The following HEMK2 variants were observed in gnomAD, a reference collection of about 807,000 sequenced individuals.
The protein encoded by HEMK2 is methyltransferase HEMK2.
the HEMK2 span, among the ~76,000 whole-genome samples, chr21:28,869,872 G>A: frequency 6.6e-6 from 1 of 152,172 alleles, no homozygotes; most frequent in African/African-American, 2.4e-5. Flanking sequence ...TCGTGGCCCA[G>A]TTCACATGAA....
the HEMK2 span, among the ~76,000 whole-genome samples, chr21:28,610,747 A>G: frequency 2.6e-5 from 4 of 152,350 alleles, no homozygotes; most frequent in East Asian, 5.8e-4. Flanking sequence ...AGAAGTAGCT[A>G]TTCTTGTATC....
the HEMK2 span, among the ~76,000 whole-genome samples, chr21:28,727,901 C>T: frequency 5.9e-5 from 9 of 152,192 alleles, no homozygotes; most frequent in Admixed American, 4.6e-4. Context: ...TTTAAAAATG[C>T]TTCTGTTTTT....
chr21:28,678,692 T>C, the HEMK2 span, among the ~76,000 whole-genome samples: 1 of 152,226 alleles, frequency 6.6e-6, no homozygotes, highest in East Asian at 1.9e-4. Context: ...TAACAGCAGA[T>C]CTCTCAGCAG....
the HEMK2 span, among the ~76,000 whole-genome samples, chr21:28,681,782 C>T: frequency 6.6e-6 from 1 of 151,768 alleles, no homozygotes; most frequent in Admixed American, 6.6e-5. Flanking sequence ...ACAAACCTGA[C>T]AAAAACAAGC....
At chr21:28,769,888 T>C in the HEMK2 span, among the ~76,000 whole-genome samples, 6 of 152,192 alleles carry the variant, frequency 3.9e-5, no homozygotes, top group Non-Finnish European at 8.8e-5. Context: ...TAGTTTGTAC[T>C]GACTCAATTG....
At chr21:28,846,668 T>C in the HEMK2 span, among the ~76,000 whole-genome samples, 305 of 152,254 alleles carry the variant, frequency 2.0e-3, 4 homozygotes, top group African/African-American at 7.1e-3. Context: ...CAGGGGTACA[T>C]GTGCAGATTT....
At chr21:28,805,003 T>C in the HEMK2 span, among the ~76,000 whole-genome samples, 3 of 152,322 alleles carry the variant, frequency 2.0e-5, no homozygotes, top group East Asian at 3.9e-4. Flanking sequence ...TCTGATTCAG[T>C]TGGGCTAGAT....
At chr21:28,864,594 T>C in the HEMK2 span, among the ~76,000 whole-genome samples, 1 of 152,128 alleles carries the variant, frequency 6.6e-6, no homozygotes, top group Non-Finnish European at 1.5e-5. Context: ...CCCGGACCCA[T>C]ATGCATAAAC....
the HEMK2 span, among the ~76,000 whole-genome samples, chr21:28,804,535 G>C: frequency 6.6e-6 from 1 of 152,080 alleles, no homozygotes; most frequent in African/African-American, 2.4e-5. Context: ...AGGAGTTCAA[G>C]ACCAGCCTGG....
At chr21:28,816,115 A>G in the HEMK2 span, among the ~76,000 whole-genome samples, 1 of 152,194 alleles carries the variant, frequency 6.6e-6, no homozygotes, top group Non-Finnish European at 1.5e-5. Flanking sequence ...GCCTCAGAGG[A>G]AATTAACTGT....
At chr21:28,621,378 A>G in the HEMK2 span, among the ~76,000 whole-genome samples, 1 of 152,126 alleles carries the variant, frequency 6.6e-6, no homozygotes, top group South Asian at 2.1e-4. Context: ...TGTGGTTTTC[A>G]GTGAGTTTCT....
the HEMK2 span, among the ~76,000 whole-genome samples, chr21:28,606,406 G>A: frequency 1.3e-5 from 2 of 152,276 alleles, no homozygotes; most frequent in African/African-American, 2.4e-5. Flanking sequence ...AAATATGTGT[G>A]ACTCTGTTGC....
the HEMK2 span, among the ~76,000 whole-genome samples, chr21:28,756,495 C>A: frequency 1.3e-3 from 194 of 152,194 alleles, 1 homozygote; most frequent in Admixed American, 3.9e-3. Context: ...TTATTTTATT[C>A]TTTAGCTCCT....
the HEMK2 span, among the ~76,000 whole-genome samples, chr21:28,648,832 C>T: frequency 2.0e-5 from 3 of 151,976 alleles, no homozygotes; most frequent in African/African-American, 4.8e-5. Flanking sequence ...ATGTGCACAA[C>T]GTGCAGGTTA....
At chr21:28,665,156 G>A in the HEMK2 span, among the ~76,000 whole-genome samples, 1 of 150,824 alleles carries the variant, frequency 6.6e-6, no homozygotes, top group Admixed American at 6.6e-5. Flanking sequence ...GTGGCGGCAT[G>A]CACCTATGGG....
chr21:28,734,557 G>A, the HEMK2 span, among the ~76,000 whole-genome samples: 1 of 152,138 alleles, frequency 6.6e-6, no homozygotes, highest in Admixed American at 6.5e-5. Context: ...AATTATAAAT[G>A]AATTGTTTTT....
the HEMK2 span, among the ~76,000 whole-genome samples, chr21:28,767,866 G>A: frequency 6.6e-6 from 1 of 151,938 alleles, no homozygotes; most frequent in Non-Finnish European, 1.5e-5. Context: ...ACAGTCACCT[G>A]TCTCATGGCT....
chr21:28,763,409 G>A, the HEMK2 span, among the ~76,000 whole-genome samples: 2 of 152,016 alleles, frequency 1.3e-5, no homozygotes, highest in African/African-American at 4.8e-5. Flanking sequence ...AAGAGGAGGA[G>A]GTCAGGCTCT....
the HEMK2 span, among the ~76,000 whole-genome samples, chr21:28,788,192 G>A: frequency 0.088 from 9,952 of 113,014 alleles, 375 homozygotes; most frequent in Middle Eastern, 0.15. Flanking sequence ...ACATATATAC[G>A]TATATACGTA....
Sources: gnomAD v4.1 joint callset for allele counts (sites outside exome capture counted in the v4.1 genomes callset) on GRCh38, gnomAD v4.1.1 for gene constraint, MANE v1.5 for transcripts, NCBI Gene and HGNC (gene_info 2026-07-23, HGNC 2026-07-21) for gene names.